The following EXOC6B variants were observed in gnomAD, a reference collection of about 807,000 sequenced individuals.
The protein encoded by EXOC6B is exocyst complex component 6B.
Under a neutral mutation model 113.5 loss-of-function variants are expected in EXOC6B, and 54 were observed. The observed-to-expected ratio is 0.48, with a 90% CI of 0.38 to 0.60. The LOEUF (loss-of-function observed/expected upper bound fraction) is 0.60. EXOC6B is among the 20% of genes least tolerant of loss of function. The pLI is 0.00. For missense variants in EXOC6B, 797 were observed against 977.5 expected, an observed-to-expected ratio of 0.82 and a Z score of 2.46; for synonymous variants, 357 against 339.0, an observed-to-expected ratio of 1.05 and a Z score of -0.58.
At chr2:72,814,852 G>A (rs1469840491) in intron 1 of EXOC6B, among the ~76,000 whole-genome samples, 4 of 152,110 alleles carry the variant, frequency 2.6e-5, no homozygotes, top group Admixed American at 6.5e-5. Context: ...TTAGCCAGGC[G>A]TGGTGGCAGG....
intron 6 of EXOC6B, among the ~76,000 whole-genome samples, 194 bp downstream of exon 6, chr2:72,717,909 A>G (rs1357541272): frequency 1.3e-5 from 2 of 152,236 alleles, no homozygotes; most frequent in African/African-American, 2.4e-5. Context: ...GAACATCTAC[A>G]GAGCAAATTG....
intron 18 of EXOC6B, among the ~76,000 whole-genome samples, chr2:72,389,071 G>A (rs558028282): frequency 5.9e-5 from 9 of 152,102 alleles, no homozygotes; most frequent in South Asian, 4.2e-4. Flanking sequence ...TTCACAGTAC[G>A]ATTGGATTTA....
intron 6 of EXOC6B, among the ~76,000 whole-genome samples, chr2:72,674,632 C>A (rs968698002): frequency 2.0e-5 from 3 of 151,890 alleles, no homozygotes; most frequent in African/African-American, 4.8e-5. Context: ...GAGATTGAGA[C>A]CATCCTGGCT....
intron 18 of EXOC6B, among the ~76,000 whole-genome samples, chr2:72,413,641 C>G (rs1694329577): frequency 6.6e-6 from 1 of 150,854 alleles, no homozygotes; most frequent in Non-Finnish European, 1.5e-5. Context: ...TGAGATCACT[C>G]CACTGCACTC....
intron 20 of EXOC6B, among the ~76,000 whole-genome samples, chr2:72,222,726 ATAT>A (rs1680954838): frequency 6.6e-6 from 1 of 152,076 alleles, no homozygotes; most frequent in Non-Finnish European, 1.5e-5. Flanking sequence ...TTTGTGGAAA[ATAT>A]TATTATTATT....
intron 20 of EXOC6B, among the ~76,000 whole-genome samples, chr2:72,211,696 A>G (rs1033693327): frequency 2.6e-5 from 4 of 152,190 alleles, no homozygotes; most frequent in Non-Finnish European, 5.9e-5. Context: ...CCTAATTCCC[A>G]TGGTAAATTT....
rs545428436 is a variant in EXOC6B at position 72,758,434 on chromosome 2, T to C, written c.114-16965A>G. Among the ~76,000 whole-genome samples the C allele has an allele frequency of 3.1e-4, 47 of 151,464 alleles. 1 individual carries two copies. The South Asian group carries it at 9.2e-3, about 30-fold the overall frequency. On this transcript the variant is annotated intron_variant, in intron 1 of 21. Transcript: ENST00000272427. ...TTTGCTTCCTAGTCCACTTACAAGA[T>C]ATGCAAAAAAAAAACTCCCTACAAA...
intron 20 of EXOC6B, among the ~76,000 whole-genome samples, chr2:72,251,143 T>C (rs1682996052): frequency 8.3e-6 from 1 of 120,518 alleles, no homozygotes; most frequent in South Asian, 2.5e-4. Flanking sequence ...TTTTTTTCCT[T>C]TTGCTGTCTA....
intron 20 of EXOC6B, among the ~76,000 whole-genome samples, chr2:72,280,348 A>G (rs902502160): frequency 6.6e-6 from 1 of 151,976 alleles, no homozygotes; most frequent in Admixed American, 6.6e-5. Flanking sequence ...CTGTGCTCAT[A>G]ACCCTTTTTT....
rs1572946540 is a variant in EXOC6B, at chr2:72,177,811, A to T, written c.*1524T>A. ...GTTTGATGAGTCTCTCCTCCCATCA[A>T]TCCAAGCTGGAAATGCCTGTGTGGC... On this transcript the variant is annotated 3_prime_UTR_variant, in exon 22 of 22. Transcript: ENST00000272427. 1 of 152,168 alleles carries T rather than the reference A, an allele frequency of 6.6e-6. No homozygotes were observed. Among genetic ancestry groups the T allele is most frequent in the Non-Finnish European group, 1.5e-5 (1 of 68,032 alleles). 9.4% of individuals were successfully genotyped at this position (152,168 alleles called of 1,614,324 possible).
At chr2:72,645,882 C>T (rs1335023843) in intron 6 of EXOC6B, among the ~76,000 whole-genome samples, 3 of 152,054 alleles carry the variant, frequency 2.0e-5, no homozygotes, top group Admixed American at 1.3e-4. Flanking sequence ...ATTAAAAGAA[C>T]TAGAGAAGCA....
At chr2:72,349,890 G>A (rs916312342) in intron 19 of EXOC6B, among the ~76,000 whole-genome samples, 55 of 152,250 alleles carry the variant, frequency 3.6e-4, no homozygotes, top group African/African-American at 1.3e-3. Flanking sequence ...AGTCTGAAGT[G>A]GGGCAGTCTT....
At chr2:72,261,839 T>C (rs1351268544) in intron 20 of EXOC6B, among the ~76,000 whole-genome samples, 6 of 152,218 alleles carry the variant, frequency 3.9e-5, no homozygotes, top group African/African-American at 9.6e-5. Flanking sequence ...GGTTAACTTT[T>C]TCTTCTAATG....
At chr2:72,644,418 A>G (rs1673523530) in intron 6 of EXOC6B, among the ~76,000 whole-genome samples, 1 of 152,210 alleles carries the variant, frequency 6.6e-6, no homozygotes, top group Non-Finnish European at 1.5e-5. Context: ...CCAACATTCA[A>G]ATTCAGAAAA....
chr2:72,459,839 G>T (rs1697507692), intron 18 of EXOC6B, among the ~76,000 whole-genome samples: 1 of 152,072 alleles, frequency 6.6e-6, no homozygotes, highest in Non-Finnish European at 1.5e-5. Flanking sequence ...TTTCTTCACA[G>T]AATTGGAAAA....
At chr2:72,451,276 G>T (rs945545522) in intron 18 of EXOC6B, among the ~76,000 whole-genome samples, 1 of 152,132 alleles carries the variant, frequency 6.6e-6, no homozygotes, top group Non-Finnish European at 1.5e-5. Flanking sequence ...AGAGTATAGA[G>T]TTAGGGCCTG....
chr2:72,233,938 C>T (rs1681792625), intron 20 of EXOC6B, among the ~76,000 whole-genome samples: 1 of 152,114 alleles, frequency 6.6e-6, no homozygotes, highest in African/African-American at 2.4e-5. Flanking sequence ...GAGGCTGTGG[C>T]CTTCTGCTGT....
chr2:72,619,697 C>G (rs181580743), intron 6 of EXOC6B, among the ~76,000 whole-genome samples: 1 of 152,146 alleles, frequency 6.6e-6, no homozygotes, highest in Admixed American at 6.5e-5. Context: ...CTGAATGATA[C>G]CTGAATACCT....
chr2:72,187,697 C>T (rs910105844), intron 20 of EXOC6B, among the ~76,000 whole-genome samples: 1 of 152,086 alleles, frequency 6.6e-6, no homozygotes, highest in African/African-American at 2.4e-5. Flanking sequence ...TTATGGGCCT[C>T]AGAGGGGAGG....
Sources: allele counts gnomAD v4.1 joint callset (sites outside exome capture counted in the v4.1 genomes callset), GRCh38; gene constraint gnomAD v4.1.1; transcripts MANE v1.5; gene names NCBI Gene and HGNC (gene_info 2026-07-23, HGNC 2026-07-21).